The following KLHL3 variants were observed in gnomAD, a reference collection of about 807,000 sequenced individuals.
KLHL3 encodes kelch-like protein 3.
Under a neutral mutation model 70.5 loss-of-function variants are expected in KLHL3, and 19 were observed. The observed-to-expected ratio is 0.27, with a 90% CI of 0.19 to 0.40. KLHL3 has a LOEUF of 0.40. Ranked by LOEUF, KLHL3 falls within the 10% of genes least tolerant of loss-of-function variation. KLHL3 has a pLI of 1.00. For missense variants in KLHL3, 512 were observed against 771.1 expected, an observed-to-expected ratio of 0.66 and a Z score of 3.98; for synonymous variants, 258 against 290.3, an observed-to-expected ratio of 0.89 and a Z score of 1.13.
chr5:137,728,820 C>A (rs1479032979), intron 1 of KLHL3, among the ~76,000 whole-genome samples: 2 of 151,756 alleles, frequency 1.3e-5, no homozygotes, highest in Non-Finnish European at 2.9e-5. Flanking sequence ...GACACTAGGG[C>A]CTACTTGAGG....
At chr5:137,688,536 G>C (rs1292106926) in intron 5 of KLHL3, among the ~76,000 whole-genome samples, 1 of 152,184 alleles carries the variant, frequency 6.6e-6, no homozygotes, top group African/African-American at 2.4e-5. Flanking sequence ...CATTGCACAG[G>C]CTTCCAGGAA....
chr5:137,668,759 C>T (rs1294707794), intron 6 of KLHL3, among the ~76,000 whole-genome samples: 4 of 152,198 alleles, frequency 2.6e-5, no homozygotes, highest in South Asian at 2.1e-4. Flanking sequence ...TCACTGTGCA[C>T]GTCTCTTCCT....
chr5:137,638,925 AG>A (rs750131849), intron 10 of KLHL3, 27 bp downstream of exon 10: 2 of 1,600,462 alleles, frequency 1.2e-6, no homozygotes, highest in Non-Finnish European at 1.7e-6. Context: ...CCAGGCTAGG[AG>A]GGGTTGGGAA....
At position 137,654,637 on chromosome 5, in the gene KLHL3, C is replaced by T. The variant is rs1049215844; in HGVS notation, c.903+3494G>A. On this transcript the variant is annotated intron_variant, in intron 8 of 14. Transcript: ENST00000309755. Reference sequence around the variant, plus strand: ...TTAAGAAGCACGTTAGACAACATAACCTTAAATCATTCAAGGATTAAATAC... The same window carrying T: ...TTAAGAAGCACGTTAGACAACATAATCTTAAATCATTCAAGGATTAAATAC... 2.6e-5 allele frequency among the ~76,000 whole-genome samples: 4 copies of T among 152,152 alleles called. No homozygotes were observed. The East Asian group carries it at 7.7e-4, about 29-fold the overall frequency.
In KLHL3 at chr5:137,618,005, T is replaced by C. The variant is rs573741835; in HGVS notation, c.*4093A>G. The C allele has an allele frequency of 6.5e-6, 1 of 152,704 alleles. No individual in the cohort carries two copies. Among genetic ancestry groups the C allele is most frequent in the South Asian group, 2.1e-4 (1 of 4,818 alleles). The allele number at this position is 152,704 out of a possible 1,614,324, so 9.5% of individuals were successfully genotyped here. A position where few individuals can be genotyped will look rare whatever the true frequency, so the allele number is the denominator to read the frequency against. On this transcript the variant is annotated 3_prime_UTR_variant, in exon 15 of 15. Coordinates refer to ENST00000309755, the MANE Select transcript of KLHL3 (RefSeq NM_017415.3). Reference sequence around the variant, plus strand: ...GGCTGATGCTATATCCATGAGTCACTGAGTCCCATGACGAAGGCTGCACAG... The same window carrying C: ...GGCTGATGCTATATCCATGAGTCACCGAGTCCCATGACGAAGGCTGCACAG...
chr5:137,720,359 A>C, intron 2 of KLHL3, 106 bp downstream of exon 2: 4 of 1,329,828 alleles, frequency 3.0e-6, no homozygotes, highest in Non-Finnish European at 4.2e-6. Flanking sequence ...GGATGGAAAG[A>C]GTCAGAATTC....
chr5:137,690,488 A>G (rs1214362903), intron 5 of KLHL3, among the ~76,000 whole-genome samples: 2 of 152,144 alleles, frequency 1.3e-5, no homozygotes, highest in African/African-American at 4.8e-5. Context: ...GGGAAAAGAG[A>G]GCACAGGAAC....
intron 10 of KLHL3, among the ~76,000 whole-genome samples, chr5:137,638,021 G>A (rs546257494): frequency 8.4e-4 from 128 of 152,306 alleles, no homozygotes; most frequent in African/African-American, 2.9e-3. Context: ...TGAGTTACTG[G>A]ACCAACTCAG....
chr5:137,645,113 TC>T (rs1464995111), intron 8 of KLHL3, among the ~76,000 whole-genome samples: 1 of 152,082 alleles, frequency 6.6e-6, no homozygotes, highest in East Asian at 1.9e-4. Context: ...AAACTCAACA[TC>T]CCTTCATAAT....
intron 3 of KLHL3, among the ~76,000 whole-genome samples, chr5:137,707,106 T>C (rs1752700189): frequency 6.6e-6 from 1 of 152,064 alleles, no homozygotes; most frequent in South Asian, 2.1e-4. Context: ...TCCAGGAAGA[T>C]GAATAGCAAT....
chr5:137,658,828 G>A (rs964829600), intron 7 of KLHL3, among the ~76,000 whole-genome samples: 4 of 152,218 alleles, frequency 2.6e-5, no homozygotes, highest in Non-Finnish European at 4.4e-5. Context: ...GCAGAAAATC[G>A]GCCAGTGAGG....
At chr5:137,708,820 G>A (rs1361895573) in intron 3 of KLHL3, among the ~76,000 whole-genome samples, 2 of 152,290 alleles carry the variant, frequency 1.3e-5, no homozygotes, top group African/African-American at 4.8e-5. Flanking sequence ...GAGATACAGG[G>A]CATGGGCATT....
intron 8 of KLHL3, among the ~76,000 whole-genome samples, chr5:137,643,951 T>C (rs940424507): frequency 4.3e-4 from 65 of 152,306 alleles, no homozygotes; most frequent in Non-Finnish European, 5.9e-5. Context: ...TTGTCTGTTT[T>C]AGATTTCATA....
intron 3 of KLHL3, chr5:137,706,516 AGT>A (rs1272694104): frequency 3.9e-6 from 1 of 256,880 alleles, no homozygotes; most frequent in African/African-American, 2.3e-5. Context: ...AAGTCTTCAA[AGT>A]GTGCATACCT....
chr5:137,627,979 G>C, intron 13 of KLHL3: 1 of 305,770 alleles, frequency 3.3e-6, no homozygotes, highest in South Asian at 4.3e-5. Flanking sequence ...ACCTACTAAA[G>C]CTGTTGGGCA....
chr5:137,719,886 T>A (rs559575551), intron 2 of KLHL3, among the ~76,000 whole-genome samples: 12 of 152,212 alleles, frequency 7.9e-5, no homozygotes, highest in Non-Finnish European at 1.3e-4. Flanking sequence ...AGTTTATGAA[T>A]AGACTTGCTG....
chr5:137,656,379 G>A (rs922621201), intron 8 of KLHL3, among the ~76,000 whole-genome samples: 1 of 152,120 alleles, frequency 6.6e-6, no homozygotes, highest in African/African-American at 2.4e-5. Context: ...TGCATGGGGG[G>A]AAAAATAGTT....
intron 8 of KLHL3, chr5:137,647,772 G>A: frequency 2.8e-6 from 1 of 362,264 alleles, no homozygotes; most frequent in Non-Finnish European, 5.7e-6. Flanking sequence ...ATGGGGGTCT[G>A]AGAACCAGGT....
intron 8 of KLHL3, among the ~76,000 whole-genome samples, chr5:137,654,681 A>G (rs1230639559): frequency 6.6e-6 from 1 of 152,224 alleles, no homozygotes; most frequent in African/African-American, 2.4e-5. Context: ...AATGAGACAA[A>G]GAGTAGTGAT....
Sources: gnomAD v4.1 joint callset for allele counts (sites outside exome capture counted in the v4.1 genomes callset) on GRCh38, gnomAD v4.1.1 for gene constraint, MANE v1.5 for transcripts, NCBI Gene and HGNC (gene_info 2026-07-23, HGNC 2026-07-21) for gene names.